Variants in HDHD2 observed in about 807,000 individuals in gnomAD.
HDHD2 encodes the protein haloacid dehalogenase like hydrolase domain containing 2.
In HDHD2, 26 loss-of-function variants were observed where a neutral mutation model predicts 24.8. The ratio of observed to expected loss-of-function variants is 1.05; its 90% CI spans 0.77 to 1.45. HDHD2 has a LOEUF of 1.45. Ranked by LOEUF, HDHD2 falls within the 40% of genes most tolerant of loss-of-function variation. The probability of loss-of-function intolerance (pLI) is 0.00; values close to 1 mark genes in which losing one functional copy is unlikely to be tolerated. For synonymous variants in HDHD2, 128 were observed against 114.9 expected (o/e 1.11, Z -0.73); for missense variants, 299 against 313.4 (o/e 0.95, Z 0.35).
chr18:47,129,556 C>G (rs1307424851), intron 4 of HDHD2, among the ~76,000 whole-genome samples: 1 of 152,126 alleles, frequency 6.6e-6, no homozygotes, highest in African/African-American at 2.4e-5. Context: ...GTCTCTGAAT[C>G]TGTTTTTCTT....
At chr18:47,118,875 G>A (rs2063579186) in intron 4 of HDHD2, among the ~76,000 whole-genome samples, 1 of 151,688 alleles carries the variant, frequency 6.6e-6, no homozygotes, top group Non-Finnish European at 1.5e-5. Context: ...GCTGGAACCT[G>A]AAAACCAATC....
intron 1 of HDHD2, 112 bp downstream of exon 1, chr18:47,150,266 A>G (rs919566087): frequency 1.3e-5 from 2 of 152,340 alleles, no homozygotes; most frequent in East Asian, 3.9e-4. Context: ...CCGGCTCGAG[A>G]GGAGGGGCGG....
In HDHD2 at chr18:47,107,687, G is replaced by A. The variant is rs116433803; in HGVS notation, c.*995C>T. ...GTTTAACATGAGAAGAATAATCCAT[G>A]CTACAAGACGAGATTTCATTTTACA... is the stretch of plus-strand genomic sequence containing the variant. On this transcript the variant is annotated 3_prime_UTR_variant, in exon 7 of 7. Transcript: ENST00000300605. 1 of 152,500 alleles carries A rather than the reference G, an allele frequency of 6.6e-6. No homozygotes were observed. The highest frequency in any genetic ancestry group is 1.5e-5 in the Non-Finnish European group (1 of 68,044). The allele number at this position is 152,500 out of a possible 1,614,324, so 9.4% of individuals were successfully genotyped here.
At chr18:47,111,577 G>A (rs1165318484) in intron 6 of HDHD2, 2 of 985,132 alleles carry the variant, frequency 2.0e-6, no homozygotes, top group Non-Finnish European at 2.4e-6. Context: ...TACATCACAG[G>A]GCTGTTACGT....
intron 6 of HDHD2, 136 bp from the exon 7 acceptor site, chr18:47,108,921 AC>A (rs1262775681): frequency 1.7e-6 from 1 of 596,302 alleles, no homozygotes; most frequent in African/African-American, 1.9e-5. Context: ...CTCCCAAATC[AC>A]CTTTTATTGA....
At chr18:47,143,925 A>C (rs2063842745) in intron 1 of HDHD2, among the ~76,000 whole-genome samples, 1 of 152,220 alleles carries the variant, frequency 6.6e-6, no homozygotes, top group Non-Finnish European at 1.5e-5. Context: ...ACTTTGAAAG[A>C]GTAAACATTT....
At chr18:47,113,559 G>A (rs1014408499) in intron 5 of HDHD2, among the ~76,000 whole-genome samples, 1 of 152,002 alleles carries the variant, frequency 6.6e-6, no homozygotes, top group African/African-American at 2.4e-5. Flanking sequence ...CTTCACACTT[G>A]GGAATAACAG....
chr18:47,133,453 CAT>C (rs2063733170), intron 3 of HDHD2, among the ~76,000 whole-genome samples: 1 of 146,350 alleles, frequency 6.8e-6, no homozygotes, highest in African/African-American at 2.5e-5. Flanking sequence ...CCACAGTAAA[CAT>C]ATGTGTGCAT....
intron 3 of HDHD2, among the ~76,000 whole-genome samples, chr18:47,133,152 C>A (rs369144697): frequency 3.6e-4 from 55 of 151,196 alleles, no homozygotes; most frequent in Non-Finnish European, 6.8e-4. Flanking sequence ...CCACTCCCCC[C>A]ACCCCACAAC....
At chr18:47,117,193 TC>T (rs1489674014) in intron 4 of HDHD2, among the ~76,000 whole-genome samples, 1 of 152,178 alleles carries the variant, frequency 6.6e-6, no homozygotes, top group Non-Finnish European at 1.5e-5. Flanking sequence ...TTTAAAAATA[TC>T]AGAGCCACCC....
chr18:47,120,347 T>C (rs1442753329), intron 4 of HDHD2, among the ~76,000 whole-genome samples: 1 of 152,262 alleles, frequency 6.6e-6, no homozygotes, highest in Non-Finnish European at 1.5e-5. Flanking sequence ...TGCACTTTAA[T>C]GCAAGTTTAT....
chr18:47,142,510 AT>A (rs1264853672), intron 1 of HDHD2, among the ~76,000 whole-genome samples: 2 of 152,212 alleles, frequency 1.3e-5, no homozygotes, highest in Non-Finnish European at 2.9e-5. Context: ...TTACAGAGAC[AT>A]ACACATAACA....
At chr18:47,121,581 G>A (rs2144309488) in intron 4 of HDHD2, among the ~76,000 whole-genome samples, 1 of 152,276 alleles carries the variant, frequency 6.6e-6, no homozygotes, top group Admixed American at 6.5e-5. Flanking sequence ...AGCAATAGCA[G>A]GAGTTTTGAA....
chr18:47,127,635 G>T (rs1349505683), intron 4 of HDHD2, among the ~76,000 whole-genome samples: 1 of 133,504 alleles, frequency 7.5e-6, no homozygotes, highest in African/African-American at 2.9e-5. Context: ...CAAACTTTGG[G>T]TTTTTTTGTT....
chr18:47,113,930 G>A (rs1448853124), intron 5 of HDHD2, among the ~76,000 whole-genome samples: 2 of 152,068 alleles, frequency 1.3e-5, no homozygotes, highest in Non-Finnish European at 2.9e-5. Flanking sequence ...AAAGAATGTG[G>A]ACAATGAGAC....
chr18:47,112,156 T>C (rs954544306), intron 6 of HDHD2, among the ~76,000 whole-genome samples: 1 of 152,214 alleles, frequency 6.6e-6, no homozygotes, highest in Non-Finnish European at 1.5e-5. Flanking sequence ...CCCAATGCAA[T>C]AATATTCAGC....
rs1295220055 is a variant in HDHD2 at position 47,136,352 on chromosome 18, C to T, written c.88G>A (p.Glu30Lys). Residue 30 changes from glutamate to lysine, a missense_variant, in exon 2 of 7, where the codon GAA becomes AAA. Physicochemically the swap from Glu to Lys is moderately conservative, Grantham distance 56 (BLOSUM62 1). Coordinates refer to ENST00000300605, the MANE Select transcript of HDHD2 (RefSeq NM_032124.5). ...AGGATAGCTTGCCTTTTAAGAGCTT[C>T]CTGTGCGCCTGGCACAGCTGCATCT... Reference protein sequence around the residue: ...IEDAAVPGAQEALKRLRGASV... With the variant: ...IEDAAVPGAQKALKRLRGASV... The T allele has an allele frequency of 1.9e-6, 3 of 1,613,586 alleles. No homozygotes were observed. Among genetic ancestry groups the T allele is most frequent in the Non-Finnish European group, 1.7e-6 (2 of 1,180,018 alleles).
In HDHD2 at chr18:47,111,081, C is replaced by G. The variant is rs559549781; in HGVS notation, c.676+1896G>C. ...CTGGCTGTTCCACATGTTTTTAGAA[C>G]AGTAGGGTTATTCATGATTTTTCTG... is the stretch of plus-strand genomic sequence containing the variant. On this transcript the variant is annotated intron_variant, in intron 6 of 6. Coordinates refer to ENST00000300605, the MANE Select transcript of HDHD2 (RefSeq NM_032124.5). 3.0e-6 allele frequency: 3 copies of G among 985,200 alleles called. No individual in the cohort carries two copies. In the African/African-American group the frequency reaches 5.2e-5, roughly 17 times the overall value. The allele number at this position is 985,200 out of a possible 1,614,324, so 61.0% of individuals were successfully genotyped here.
At chr18:47,126,145 C>T (rs2063656181) in intron 4 of HDHD2, among the ~76,000 whole-genome samples, 1 of 152,156 alleles carries the variant, frequency 6.6e-6, no homozygotes, top group African/African-American at 2.4e-5. Flanking sequence ...AGAGTCTGGA[C>T]TTTAATTAAG....
Sources: gnomAD v4.1 joint callset for allele counts (sites outside exome capture counted in the v4.1 genomes callset) on GRCh38, gnomAD v4.1.1 for gene constraint, MANE v1.5 for transcripts, NCBI Gene and HGNC (gene_info 2026-07-23, HGNC 2026-07-21) for gene names.